BPNT2: variants seen among roughly 807,000 people sequenced by gnomAD.
BPNT2 encodes the protein Golgi-resident adenosine 3',5'-bisphosphate 3'-phosphatase.
In BPNT2, 11 loss-of-function variants were observed where a neutral mutation model predicts 29.3. The ratio of observed to expected loss-of-function variants is 0.38; its 90% CI spans 0.24 to 0.62. The LOEUF (loss-of-function observed/expected upper bound fraction) is 0.62, where lower values mean the gene tolerates loss of function less well. Among genes scored for constraint, BPNT2 ranks in the 20% least tolerant of loss-of-function variants. The pLI is 0.62. For missense variants in BPNT2, 459 were observed against 473.4 expected (o/e 0.97, Z 0.28); for synonymous variants, 195 against 187.7 (o/e 1.04, Z -0.32).
At chr8:56,969,241 T>C (rs1269213497) in intron 3 of BPNT2, among the ~76,000 whole-genome samples, 1 of 152,110 alleles carries the variant, frequency 6.6e-6, no homozygotes, top group Non-Finnish European at 1.5e-5. Context: ...TAATACAGAG[T>C]GAACCAAAGA....
chr8:56,974,913 A>T (rs1440305720), intron 3 of BPNT2, among the ~76,000 whole-genome samples: 1 of 152,146 alleles, frequency 6.6e-6, no homozygotes, highest in Admixed American at 6.5e-5. Context: ...TGTGGAAATC[A>T]ATGCCCAGAG....
At chr8:56,990,126 A>G (rs1023273715) in intron 1 of BPNT2, among the ~76,000 whole-genome samples, 5 of 152,238 alleles carry the variant, frequency 3.3e-5, no homozygotes, top group African/African-American at 1.2e-4. Flanking sequence ...GAAAGAGAGA[A>G]GCTTAACTTC....
At chr8:56,978,008 T>C (rs1314337896) in intron 3 of BPNT2, 42 bp downstream of exon 3, 1 of 1,180,940 alleles carries the variant, frequency 8.5e-7, no homozygotes, top group Non-Finnish European at 1.3e-6. Context: ...AGACAAACAG[T>C]TCAATAACAA....
In BPNT2 at chr8:56,961,420, T is replaced by C. The variant is rs1049951653; in HGVS notation, c.*2373A>G. ...CAAACAATTTTAAAAATGAACTTTT[T>C]ATAAAAGTACTTAAAAAAAATCATT... On this transcript the variant is annotated 3_prime_UTR_variant, in exon 5 of 5. Coordinates refer to ENST00000262644, the MANE Select transcript of BPNT2 (RefSeq NM_017813.5). 1.3e-5 allele frequency: 2 copies of C among 152,104 alleles called. No homozygotes were observed. The highest frequency in any genetic ancestry group is 1.3e-4 in the Admixed American group (2 of 15,256). The allele number at this position is 152,104 out of a possible 1,614,324, so 9.4% of individuals were successfully genotyped here. A position where few individuals can be genotyped will look rare whatever the true frequency, so the allele number is the denominator to read the frequency against.
chr8:56,971,900 C>T (rs1292710754), intron 3 of BPNT2, among the ~76,000 whole-genome samples: 1 of 150,294 alleles, frequency 6.7e-6, no homozygotes, highest in Non-Finnish European at 1.5e-5. Flanking sequence ...TCGAGACCAT[C>T]CTGGCTAACA....
At chr8:56,968,741 A>ATT (rs997937557) in intron 3 of BPNT2, among the ~76,000 whole-genome samples, 5 of 152,240 alleles carry the variant, frequency 3.3e-5, no homozygotes, top group Non-Finnish European at 7.3e-5. Flanking sequence ...TACATGGGAA[A>ATT]TTTGCCCAGA....
At chr8:56,992,754 T>C (rs914488410) in intron 1 of BPNT2, among the ~76,000 whole-genome samples, 1 of 124,306 alleles carries the variant, frequency 8.0e-6, no homozygotes, top group African/African-American at 3.1e-5. Flanking sequence ...CTAACAGCTC[T>C]GCAACAAGAC....
intron 1 of BPNT2, among the ~76,000 whole-genome samples, chr8:56,992,783 A>G (rs927079553): frequency 6.7e-6 from 1 of 148,990 alleles, no homozygotes; most frequent in African/African-American, 2.5e-5. Flanking sequence ...TCAGCTGGCT[A>G]CTGGCAGGCC....
In BPNT2 at chr8:56,993,581, G is replaced by A; in HGVS notation, c.5C>T (p.Ala2Val). The change falls in exon 1 of 5, where the codon GCC (alanine) becomes GTC (valine). Residue 2 changes from alanine to valine, a missense_variant. Coordinates refer to ENST00000262644, the MANE Select transcript of BPNT2 (RefSeq NM_017813.5). ...TGGGGAAAGGCGGATGCCCATGGGG[G>A]CCATGGCGTGGGAAGCCGGGCGCTC... M[A>V]PMGIRLSPLG... The A allele has an allele frequency of 7.0e-7, 1 of 1,437,390 alleles. No homozygotes were observed. Among genetic ancestry groups the A allele is most frequent in the Non-Finnish European group, 9.2e-7 (1 of 1,091,296 alleles). The allele number at this position is 1,437,390 out of a possible 1,614,324, so 89.0% of individuals were successfully genotyped here. A position where few individuals can be genotyped will look rare whatever the true frequency, so the allele number is the denominator to read the frequency against.
At chr8:56,975,461 TG>T (rs1467427609) in intron 3 of BPNT2, among the ~76,000 whole-genome samples, 1 of 152,170 alleles carries the variant, frequency 6.6e-6, no homozygotes, top group Non-Finnish European at 1.5e-5. Context: ...TTTATATGCC[TG>T]TTTTTTTAAT....
Position 56,993,487 on chromosome 8 carries a change from G to A in BPNT2, c.99C>T (p.Ala33=), listed in dbSNP as rs1220650842. The change falls in exon 1 of 5, where the codon GCC becomes GCT. Residue 33 remains alanine (A), a synonymous_variant. Coordinates refer to ENST00000262644, the MANE Select transcript of BPNT2 (RefSeq NM_017813.5). The part of the protein sequence containing the change: ...VLYHLYSGFL[A]GRFSLFGLGG... ...CCAGGCCGAAGAGGCTGAAGCGGCCGGCCAAGAAGCCCGAGTAGAGGTGGT... is the reference window on the plus strand; with the variant it reads ...CCAGGCCGAAGAGGCTGAAGCGGCCAGCCAAGAAGCCCGAGTAGAGGTGGT... 1.3e-6 allele frequency: 2 copies of A among 1,499,422 alleles called. No homozygotes were observed. Among genetic ancestry groups the A allele is most frequent in the Admixed American group, 2.3e-5 (1 of 44,272 alleles). 92.9% of individuals were successfully genotyped at this position (1,499,422 alleles called of 1,614,324 possible).
chr8:56,982,884 C>T lies in BPNT2; in HGVS notation c.388-2687G>A, dbSNP rs1051623725. 3.3e-5 allele frequency among the ~76,000 whole-genome samples: 5 copies of T among 152,068 alleles called. No homozygotes were observed. The East Asian group carries it at 9.6e-4, about 29-fold the overall frequency. ...GAATGGATAAATATATTTGGTATAT[C>T]CATACAATGGAAAGTTACTCAGCCA... On this transcript the variant is annotated intron_variant, in intron 1 of 4. Transcript: ENST00000262644.
chr8:56,992,765 T>TC (rs1453419500), intron 1 of BPNT2, among the ~76,000 whole-genome samples: 1 of 131,806 alleles, frequency 7.6e-6, no homozygotes, highest in African/African-American at 2.8e-5. Flanking sequence ...GCAACAAGAC[T>TC]CGGTCTTTCA....
At chr8:56,977,948 A>C in intron 3 of BPNT2, 102 bp downstream of exon 3, 1 of 808,458 alleles carries the variant, frequency 1.2e-6, no homozygotes, top group Non-Finnish European at 2.2e-6. Flanking sequence ...AGCCCTAGGA[A>C]ACTAATATAG....
chr8:56,981,332 C>A (rs1048730624), intron 1 of BPNT2, among the ~76,000 whole-genome samples: 2 of 152,260 alleles, frequency 1.3e-5, no homozygotes, highest in South Asian at 2.1e-4. Flanking sequence ...TTCGGGAGGC[C>A]GAGGCGGCTG....
At position 56,993,716 on chromosome 8, in the gene BPNT2, G is replaced by A. The variant is rs568839316; in HGVS notation, c.-131C>T. 53 of 995,120 alleles carry A rather than the reference G, an allele frequency of 5.3e-5. No individual in the cohort carries two copies. In the Middle Eastern group the frequency reaches 3.0e-3, roughly 56 times the overall value. 61.6% of individuals were successfully genotyped at this position (995,120 alleles called of 1,614,324 possible). On this transcript the variant is annotated 5_prime_UTR_variant, in exon 1 of 5. Coordinates refer to ENST00000262644, the MANE Select transcript of BPNT2 (RefSeq NM_017813.5). The stretch of plus-strand genomic sequence containing the variant: ...ACACTGGCGCCCGCTCCCCGGCCCC[G>A]GTGCGCCCCATCACTCCCTCCCAGG...
chr8:56,982,126 C>CTT (rs539120953), intron 1 of BPNT2, among the ~76,000 whole-genome samples: 2,082 of 141,546 alleles, frequency 0.015, 47 homozygotes, highest in African/African-American at 0.05. Flanking sequence ...TTAAATATCT[C>CTT]TTTTTTTTTT....
rs1409480569 is a variant in BPNT2, at chr8:56,963,418, T to C, written c.*375A>G. 5.4e-6 allele frequency: 1 copy of C among 184,536 alleles called. No homozygotes were observed. The highest frequency in any genetic ancestry group is 1.4e-4 in the East Asian group (1 of 6,958). The allele number at this position is 184,536 out of a possible 1,614,324, so 11.4% of individuals were successfully genotyped here. ...GTTATATTAAACATCTACACAAAAATCAATCTTTCCTTCAACCGAATTCTA... is the reference window on the plus strand; with the variant it reads ...GTTATATTAAACATCTACACAAAAACCAATCTTTCCTTCAACCGAATTCTA... On this transcript the variant is annotated 3_prime_UTR_variant, in exon 5 of 5. Transcript: ENST00000262644.
chr8:56,971,786 C>CCCA (rs1554539123), intron 3 of BPNT2, among the ~76,000 whole-genome samples: 2 of 143,820 alleles, frequency 1.4e-5, no homozygotes, highest in South Asian at 4.9e-4. Flanking sequence ...TGTACCACCC[C>CCCA]CCCCCCCACA....
Sources: gnomAD v4.1 joint callset for allele counts (sites outside exome capture counted in the v4.1 genomes callset) on GRCh38, gnomAD v4.1.1 for gene constraint, MANE v1.5 for transcripts, NCBI Gene and HGNC (gene_info 2026-07-23, HGNC 2026-07-21) for gene names.